Variants in TLN2 observed in about 807,000 individuals in gnomAD.
The protein encoded by TLN2 is talin 2.
A neutral mutation model predicts 294.7 loss-of-function variants in TLN2; 118 were observed. The ratio of observed to expected loss-of-function variants is 0.40; its 90% CI spans 0.34 to 0.47. The LOEUF is 0.47. TLN2 is among the 20% of genes least tolerant of loss of function. The probability of loss-of-function intolerance (pLI) is 0.84; values close to 1 mark genes in which losing one functional copy is unlikely to be tolerated. For synonymous variants in TLN2, 1,431 were observed against 1,304.5 expected (o/e 1.10, Z -2.09); for missense variants, 3,083 against 3,282.2 (o/e 0.94, Z 1.48).
At chr15:62,514,024 C>A (rs954219471) in intron 1 of TLN2, among the ~76,000 whole-genome samples, 2 of 152,212 alleles carry the variant, frequency 1.3e-5, no homozygotes, top group Non-Finnish European at 2.9e-5. Flanking sequence ...TTGGCAGAAA[C>A]CTCAACATTA....
chr15:62,571,881 A>G (rs548701322), intron 1 of TLN2, among the ~76,000 whole-genome samples: 3 of 152,308 alleles, frequency 2.0e-5, no homozygotes, highest in African/African-American at 7.2e-5. Context: ...AATATTAAAC[A>G]TTTGTTGTAT....
At chr15:62,821,035 C>G (rs1031433335) in intron 54 of TLN2, among the ~76,000 whole-genome samples, 12 of 152,202 alleles carry the variant, frequency 7.9e-5, no homozygotes, top group African/African-American at 1.7e-4. Context: ...GCACCCACTC[C>G]AGGCTTTGTC....
chr15:62,405,781 G>C (rs759047868), intron 1 of TLN2, among the ~76,000 whole-genome samples: 5 of 152,174 alleles, frequency 3.3e-5, no homozygotes, highest in Non-Finnish European at 7.3e-5. Flanking sequence ...GTACAAGCTG[G>C]CTGCGCAGGG....
chr15:62,835,666 T>C, intron 55 of TLN2, 71 bp from the exon 56 acceptor site: 1 of 1,561,174 alleles, frequency 6.4e-7, no homozygotes, highest in Non-Finnish European at 8.8e-7. Context: ...CCGAGCAAGG[T>C]CTGGGGATGA....
chr15:62,594,546 A>T (rs2046329008), intron 2 of TLN2, among the ~76,000 whole-genome samples: 1 of 152,144 alleles, frequency 6.6e-6, no homozygotes. Flanking sequence ...TACCAAGAAC[A>T]CACAATGGGG....
chr15:62,484,183 G>A (rs965397230), intron 1 of TLN2, among the ~76,000 whole-genome samples: 39 of 152,166 alleles, frequency 2.6e-4, no homozygotes, highest in Non-Finnish European at 7.3e-5. Flanking sequence ...GCTGCTGGGG[G>A]TAGTTTACTG....
At chr15:62,601,834 G>A (rs2047037578) in intron 2 of TLN2, among the ~76,000 whole-genome samples, 1 of 152,088 alleles carries the variant, frequency 6.6e-6, no homozygotes, top group Non-Finnish European at 1.5e-5. Context: ...TCTTTTTTTA[G>A]CGTAATTTAA....
At chr15:62,432,690 T>C (rs2035073230) in intron 1 of TLN2, among the ~76,000 whole-genome samples, 1 of 152,170 alleles carries the variant, frequency 6.6e-6, no homozygotes. Context: ...CTGCAGGAGG[T>C]GTTTTATGGA....
At chr15:62,805,835 C>T in intron 51 of TLN2, 50 bp downstream of exon 51, 1 of 1,577,054 alleles carries the variant, frequency 6.3e-7, no homozygotes, top group African/African-American at 1.4e-5. Flanking sequence ...TCTGTCGTGA[C>T]TGGGTTGCTT....
chr15:62,482,526 T>C (rs567528355), intron 1 of TLN2, among the ~76,000 whole-genome samples: 2 of 137,646 alleles, frequency 1.5e-5, no homozygotes, highest in African/African-American at 5.6e-5. Context: ...TCGCTTGAAC[T>C]GGGGAGGCAG....
At chr15:62,615,039 CAG>C (rs2048203441) in intron 2 of TLN2, among the ~76,000 whole-genome samples, 1 of 152,120 alleles carries the variant, frequency 6.6e-6, no homozygotes, top group African/African-American at 2.4e-5. Context: ...CTCCTGACCT[CAG>C]GGGATCCGCC....
chr15:62,661,805 CTGG>C (rs2053869034), intron 9 of TLN2, among the ~76,000 whole-genome samples: 1 of 151,986 alleles, frequency 6.6e-6, no homozygotes, highest in African/African-American at 2.4e-5. Context: ...AATGTAGCTG[CTGG>C]AGCAGCTACA....
chr15:62,738,256 T>C lies in TLN2; in HGVS notation c.3610T>C (p.Cys1204Arg). 3 of 1,614,146 alleles carry C rather than the reference T, an allele frequency of 1.9e-6. No homozygotes were observed. The highest frequency in any genetic ancestry group is 2.5e-6 in the Non-Finnish European group (3 of 1,180,002). The change falls in exon 30 of 59, where the codon TGC (cysteine) becomes CGC (arginine). Residue 1204 changes from cysteine to arginine, a missense_variant. Cys to Arg is a radical substitution (Grantham distance 180). Transcript: ENST00000636159. ...VSHSLNNCVN[C>R]LPGQKDVDVA... ...ACACTCCTTGAATAACTGCGTAAATTGCCTCCCTGGGCAGAAGGATGTGGA... is the reference window on the plus strand; with the variant it reads ...ACACTCCTTGAATAACTGCGTAAATCGCCTCCCTGGGCAGAAGGATGTGGA...
chr15:62,784,314 T>C (rs2064450652), intron 45 of TLN2: 3 of 266,684 alleles, frequency 1.1e-5, no homozygotes, highest in Admixed American at 1.1e-4. Flanking sequence ...GAAAATTAGC[T>C]ATCCCTCTCC....
chr15:62,424,547 G>A (rs374163023), intron 1 of TLN2, among the ~76,000 whole-genome samples: 1 of 152,320 alleles, frequency 6.6e-6, no homozygotes, highest in East Asian at 1.9e-4. Context: ...GCTGCTGACT[G>A]CTCATTAGGC....
At chr15:62,447,155 A>ATTTT (rs2035862935) in intron 1 of TLN2, among the ~76,000 whole-genome samples, 1 of 77,450 alleles carries the variant, frequency 1.3e-5, no homozygotes, top group Admixed American at 1.6e-4. Flanking sequence ...AGAAGCCTAT[A>ATTTT]TTTATTTATT....
chr15:62,445,687 A>G (rs1322071287), intron 1 of TLN2, among the ~76,000 whole-genome samples: 1 of 151,908 alleles, frequency 6.6e-6, no homozygotes, highest in Non-Finnish European at 1.5e-5. Context: ...TGGGGGAGAC[A>G]GGGTCTTGCT....
intron 22 of TLN2, among the ~76,000 whole-genome samples, chr15:62,715,954 CAT>C (rs1042697059): frequency 1.1e-4 from 16 of 152,212 alleles, no homozygotes; most frequent in South Asian, 2.1e-4. Flanking sequence ...GACATGAAGA[CAT>C]GTGTCATTAC....
chr15:62,638,508 G>A (rs990723421), intron 3 of TLN2: 23 of 455,896 alleles, frequency 5.0e-5, no homozygotes, highest in African/African-American at 3.6e-4. Flanking sequence ...CTAATGAACC[G>A]TGTGCATACC....
Sources: allele counts gnomAD v4.1 joint callset (sites outside exome capture counted in the v4.1 genomes callset), GRCh38; gene constraint gnomAD v4.1.1; transcripts MANE v1.5; gene names NCBI Gene and HGNC (gene_info 2026-07-23, HGNC 2026-07-21).